The following SPSB4 variants were observed in gnomAD, a reference collection of about 807,000 sequenced individuals.
SPSB4 encodes the protein SPRY domain-containing SOCS box protein 4.
A neutral mutation model predicts 20.9 loss-of-function variants in SPSB4; 21 were observed. The observed-to-expected ratio is 1.01, with a 90% CI of 0.71 to 1.45. SPSB4 has a LOEUF of 1.45. Among genes scored for constraint, SPSB4 ranks in the 40% most tolerant of loss-of-function variants. The probability of loss-of-function intolerance (pLI) is 0.00; values close to 1 mark genes in which losing one functional copy is unlikely to be tolerated. For missense variants in SPSB4, 399 were observed against 399.2 expected, an observed-to-expected ratio of 1.00 and a Z score of 0.00; for synonymous variants, 207 against 183.8, an observed-to-expected ratio of 1.13 and a Z score of -1.02.
At chr3:141,075,012 G>C (rs1228437159) in intron 2 of SPSB4, among the ~76,000 whole-genome samples, 3 of 152,104 alleles carry the variant, frequency 2.0e-5, no homozygotes, top group African/African-American at 7.3e-5. Flanking sequence ...GAGCTGGGAG[G>C]CTTTGCCCAA....
At chr3:141,052,744 G>A (rs1368894799) in intron 1 of SPSB4, among the ~76,000 whole-genome samples, 1 of 152,204 alleles carries the variant, frequency 6.6e-6, no homozygotes, top group Non-Finnish European at 1.5e-5. Context: ...GGGAAGGGAG[G>A]GGGTTGGGAG....
intron 2 of SPSB4, among the ~76,000 whole-genome samples, chr3:141,141,776 GGTT>G (rs1337757864): frequency 6.6e-6 from 1 of 152,100 alleles, no homozygotes; most frequent in Non-Finnish European, 1.5e-5. Flanking sequence ...AATCTAGGAA[GGTT>G]GTATATTTCA....
At chr3:141,072,835 C>T (rs1938032571) in intron 2 of SPSB4, among the ~76,000 whole-genome samples, 1 of 152,178 alleles carries the variant, frequency 6.6e-6, no homozygotes, top group Non-Finnish European at 1.5e-5. Flanking sequence ...CTGCTGGCAG[C>T]CACTATTAGC....
At chr3:141,129,437 C>A (rs1559855486) in intron 2 of SPSB4, among the ~76,000 whole-genome samples, 2 of 152,326 alleles carry the variant, frequency 1.3e-5, no homozygotes, top group Non-Finnish European at 2.9e-5. Flanking sequence ...GAGAGCCCTG[C>A]ACATCCCTGG....
rs534894463 is a variant in SPSB4, at chr3:141,077,823, G to A, written c.694+11025G>A. Among the ~76,000 whole-genome samples, 4 of 152,346 alleles carry A rather than the reference G, an allele frequency of 2.6e-5. No homozygotes were observed. The East Asian group carries it at 7.7e-4, about 29-fold the overall frequency. On this transcript the variant is annotated intron_variant, in intron 2 of 2. Coordinates refer to ENST00000310546, the MANE Select transcript of SPSB4 (RefSeq NM_080862.3). ...TAGTGAGGGCTCCTTTGGAAGCCCA[G>A]AACTCACAAGTTGCCTCAAGGAAGT...
rs918671219 is a variant in SPSB4 at position 141,094,899 on chromosome 3, C to G, written c.694+28101C>G. Reference sequence around the variant, plus strand: ...CACCCTGTAGCTGGCTGAGGACAAGCCTCTCCTGCCTGTGCTTCCCTTGTC... The same window carrying G: ...CACCCTGTAGCTGGCTGAGGACAAGGCTCTCCTGCCTGTGCTTCCCTTGTC... On this transcript the variant is annotated intron_variant, in intron 2 of 2. Coordinates refer to ENST00000310546, the MANE Select transcript of SPSB4 (RefSeq NM_080862.3). Among the ~76,000 whole-genome samples, 116 of 151,888 alleles carry G rather than the reference C, an allele frequency of 7.6e-4. 1 individual carries two copies. Among genetic ancestry groups the G allele is most frequent in the African/African-American group, 2.7e-3 (112 of 41,422 alleles).
chr3:141,124,674 AG>A (rs1939023687), intron 2 of SPSB4, among the ~76,000 whole-genome samples: 1 of 152,104 alleles, frequency 6.6e-6, no homozygotes, highest in Non-Finnish European at 1.5e-5. Flanking sequence ...AGAGCAGAGG[AG>A]GGACATTGTG....
intron 2 of SPSB4, among the ~76,000 whole-genome samples, chr3:141,120,528 A>G (rs1393859937): frequency 6.9e-6 from 1 of 145,234 alleles, no homozygotes; most frequent in African/African-American, 2.9e-5. Flanking sequence ...GTCTCCCATT[A>G]TTATTGTGTG....
chr3:141,126,551 G>A lies in SPSB4; in HGVS notation c.695-20591G>A, dbSNP rs894749023. Reference sequence around the variant, plus strand: ...CAACATCCCAAGAGTGATATTTTTCGAAGGACACCATCTGCCCATTGTATC... The same window carrying A: ...CAACATCCCAAGAGTGATATTTTTCAAAGGACACCATCTGCCCATTGTATC... On this transcript the variant is annotated intron_variant, in intron 2 of 2. Coordinates refer to ENST00000310546, the MANE Select transcript of SPSB4 (RefSeq NM_080862.3). 8.5e-5 allele frequency among the ~76,000 whole-genome samples: 13 copies of A among 152,192 alleles called. No homozygotes were observed. The East Asian group carries it at 2.1e-3, about 25-fold the overall frequency.
At chr3:141,056,826 C>A (rs1343028250) in intron 1 of SPSB4, among the ~76,000 whole-genome samples, 1 of 152,234 alleles carries the variant, frequency 6.6e-6, no homozygotes, top group Non-Finnish European at 1.5e-5. Flanking sequence ...GCTGTGGTGA[C>A]CGGGCTGGCC....
intron 2 of SPSB4, among the ~76,000 whole-genome samples, chr3:141,138,984 G>A (rs1352397503): frequency 2.0e-5 from 3 of 152,156 alleles, no homozygotes; most frequent in Admixed American, 6.5e-5. Flanking sequence ...CTTTTTGTAG[G>A]TTACTAAGGA....
At chr3:141,064,412 T>C (rs1028986850) in intron 1 of SPSB4, among the ~76,000 whole-genome samples, 1 of 152,254 alleles carries the variant, frequency 6.6e-6, no homozygotes, top group Non-Finnish European at 1.5e-5. Context: ...CAAATTGTTA[T>C]GTGTTCTGGT....
intron 2 of SPSB4, among the ~76,000 whole-genome samples, chr3:141,112,262 C>G (rs970082732): frequency 1.3e-5 from 2 of 152,214 alleles, no homozygotes; most frequent in African/African-American, 2.4e-5. Flanking sequence ...TAGAACAGTG[C>G]CTGGTACAGT....
intron 2 of SPSB4, among the ~76,000 whole-genome samples, chr3:141,086,988 G>A (rs946187979): frequency 8.5e-5 from 13 of 152,166 alleles, no homozygotes; most frequent in Admixed American, 4.6e-4. Flanking sequence ...TTCTGCAGAG[G>A]AGCAGGCCCT....
intron 2 of SPSB4, among the ~76,000 whole-genome samples, chr3:141,111,561 C>G (rs1938798811): frequency 1.3e-5 from 2 of 151,980 alleles, no homozygotes; most frequent in African/African-American, 4.8e-5. Flanking sequence ...CTGCGAGAAA[C>G]TGCCATGCAA....
chr3:141,099,136 G>A (rs925203569), intron 2 of SPSB4, among the ~76,000 whole-genome samples: 4 of 151,476 alleles, frequency 2.6e-5, no homozygotes, highest in Non-Finnish European at 4.4e-5. Context: ...ATTAAATATC[G>A]ACATGAGTTT....
chr3:141,082,661 ATCTT>A (rs1441840563), intron 2 of SPSB4, among the ~76,000 whole-genome samples: 1 of 151,126 alleles, frequency 6.6e-6, no homozygotes, highest in Non-Finnish European at 1.5e-5. Flanking sequence ...CTATCTATCT[ATCTT>A]TCCATTAAAT....
intron 2 of SPSB4, among the ~76,000 whole-genome samples, chr3:141,135,317 T>A (rs1220895149): frequency 6.6e-6 from 1 of 150,926 alleles, no homozygotes. Context: ...GATGTACATT[T>A]GGGTCACTTC....
At chr3:141,134,037 T>TTTA (rs201327285) in intron 2 of SPSB4, among the ~76,000 whole-genome samples, 1 of 115,204 alleles carries the variant, frequency 8.7e-6, no homozygotes, top group Non-Finnish European at 1.7e-5. Flanking sequence ...TTTCTTTTCT[T>TTTA]TTTTTTTTTT....
Sources: allele counts gnomAD v4.1 joint callset (sites outside exome capture counted in the v4.1 genomes callset), GRCh38; gene constraint gnomAD v4.1.1; transcripts MANE v1.5; gene names NCBI Gene and HGNC (gene_info 2026-07-23, HGNC 2026-07-21).